CAPN3: variants seen among roughly 807,000 people sequenced by gnomAD.
CAPN3 encodes calpain 3.
In CAPN3, 88 loss-of-function variants were observed where a neutral mutation model predicts 114.0. That is an observed-to-expected ratio of 0.77 (90% CI 0.65 to 0.92). The LOEUF (loss-of-function observed/expected upper bound fraction) is 0.92, where lower values mean the gene tolerates loss of function less well. CAPN3 is among the 40% of genes least tolerant of loss of function. The probability of loss-of-function intolerance (pLI) is 0.00; values close to 1 mark genes in which losing one functional copy is unlikely to be tolerated. For missense variants in CAPN3, 1,028 were observed against 1,069.0 expected, an observed-to-expected ratio of 0.96 and a Z score of 0.53; for synonymous variants, 386 against 382.9, an observed-to-expected ratio of 1.01 and a Z score of -0.09.
intron 13 of CAPN3, 146 bp from the exon 14 acceptor site, chr15:42,403,595 G>A: frequency 1.3e-6 from 1 of 779,854 alleles, no homozygotes; most frequent in Non-Finnish European, 2.3e-6. Flanking sequence ...CATGGGGCTG[G>A]TTCCTGGGGT....
intron 14 of CAPN3, chr15:42,404,392 C>T (rs543952263): frequency 2.3e-4 from 107 of 456,484 alleles, no homozygotes; most frequent in African/African-American, 2.0e-3. Flanking sequence ...TGTGTCATCG[C>T]GATACTTGCA....
At chr15:42,404,015 G>A (rs2053948875) in intron 14 of CAPN3, 1 of 629,112 alleles carries the variant, frequency 1.6e-6, no homozygotes, top group Non-Finnish European at 3.0e-6. Context: ...AGAGGGTCCT[G>A]GAAAGGAGAA....
chr15:42,383,391 C>T (rs1336130985), intron 1 of CAPN3, among the ~76,000 whole-genome samples: 1 of 152,146 alleles, frequency 6.6e-6, no homozygotes, highest in African/African-American at 2.4e-5. Flanking sequence ...GAGTTCGAGA[C>T]CAGCCTGGCC....
chr15:42,383,101 G>A (rs1276877074), intron 1 of CAPN3, among the ~76,000 whole-genome samples: 1 of 152,122 alleles, frequency 6.6e-6, no homozygotes, highest in African/African-American at 2.4e-5. Flanking sequence ...CAGATGGGAC[G>A]CATGCTGTGG....
At chr15:42,368,372 A>G (rs2052843452) in intron 1 of CAPN3, among the ~76,000 whole-genome samples, 1 of 152,194 alleles carries the variant, frequency 6.6e-6, no homozygotes, top group South Asian at 2.1e-4. Context: ...AATGCTGTCT[A>G]GCATTCTAGG....
chr15:42,396,608 G>C (rs775498750), intron 8 of CAPN3, among the ~76,000 whole-genome samples, 192 bp from the exon 9 acceptor site: 2 of 152,110 alleles, frequency 1.3e-5, no homozygotes, highest in Non-Finnish European at 2.9e-5. Flanking sequence ...CCCATTTAAG[G>C]AGTTTAGGCT....
intron 1 of CAPN3, among the ~76,000 whole-genome samples, chr15:42,374,893 C>A (rs1275894290): frequency 6.7e-6 from 1 of 149,438 alleles, no homozygotes; most frequent in South Asian, 2.1e-4. Context: ...CTCAACCCCC[C>A]AGGCCCAAAC....
At chr15:42,406,830 TGG>T (rs2054037452) in intron 15 of CAPN3, among the ~76,000 whole-genome samples, 2 of 152,118 alleles carry the variant, frequency 1.3e-5, no homozygotes, top group Admixed American at 6.5e-5. Flanking sequence ...CCATTTGCTC[TGG>T]GATCCCCACA....
chr15:42,380,327 ATATTTTATCC>A (rs1345236626), intron 1 of CAPN3, among the ~76,000 whole-genome samples: 2 of 83,802 alleles, frequency 2.4e-5, no homozygotes, highest in Non-Finnish European at 5.3e-5. Flanking sequence ...TGAAAGTTTT[ATATTTTATCC>A]TATTTTATCC....
At chr15:42,402,433 G>A (rs1006972295) in intron 12 of CAPN3, 24 of 1,432,270 alleles carry the variant, frequency 1.7e-5, no homozygotes, top group East Asian at 1.0e-4. Context: ...ACACAGACGC[G>A]TTCTGAGGGT....
Position 42,410,756 on chromosome 15 carries a change from G to C in CAPN3, c.2263+90G>C. 4 of 1,359,844 alleles carry C rather than the reference G, an allele frequency of 2.9e-6. No homozygotes were observed. The South Asian group carries it at 4.7e-5, about 16-fold the overall frequency. The allele number at this position is 1,359,844 out of a possible 1,614,324, so 84.2% of individuals were successfully genotyped here. On this transcript the variant is annotated intron_variant, in intron 21 of 23. Coordinates refer to ENST00000397163, the MANE Select transcript of CAPN3 (RefSeq NM_000070.3). ...ACTAGGCTACTAGGGCCCCACTAGA[G>C]AAAGGAGAGGGAAAGGGCTTCTCAC...
At position 42,403,786 on chromosome 15, in the gene CAPN3, TTTAGA is replaced by T; in HGVS notation, c.1782+11_1782+15del. 6.2e-7 allele frequency: 1 copy of T among 1,613,442 alleles called. No individual in the cohort carries two copies. The highest frequency in any genetic ancestry group is 8.5e-7 in the Non-Finnish European group (1 of 1,179,472). On this transcript the variant is annotated intron_variant, in intron 14 of 23. Coordinates refer to ENST00000397163, the MANE Select transcript of CAPN3 (RefSeq NM_000070.3). ...CCGTGGATCGGCCAGTGGTGAGTGG[TTTAGA>T]TCTTCTGTGCGAAAAGTCCAGAGGG...
At position 42,384,558 on chromosome 15, in the gene CAPN3, A is replaced by T. The variant is rs1413690936; in HGVS notation, c.379+6A>T. 6.2e-7 allele frequency: 1 copy of T among 1,607,556 alleles called. No individual in the cohort carries two copies. Among genetic ancestry groups the T allele is most frequent in the East Asian group, 2.2e-5 (1 of 44,850 alleles). On this transcript the variant is annotated splice_donor_region_variant and intron_variant, in intron 2 of 23. Coordinates refer to ENST00000397163, the MANE Select transcript of CAPN3 (RefSeq NM_000070.3). ...CATCTGTCAAGGAGAGCTAGGTAGG[A>T]AAGTGCCTCAGGTCAGATCCTGCCA...
At chr15:42,374,920 A>C (rs1042117720) in intron 1 of CAPN3, among the ~76,000 whole-genome samples, 9 of 147,968 alleles carry the variant, frequency 6.1e-5, no homozygotes, top group African/African-American at 1.5e-4. Flanking sequence ...CCCACTTCAC[A>C]CCTCAGCCTT....
chr15:42,386,429 T>C, intron 3 of CAPN3, 144 bp downstream of exon 3: 1 of 753,016 alleles, frequency 1.3e-6, no homozygotes, highest in East Asian at 2.5e-5. Flanking sequence ...CCTTAAGGCT[T>C]CAAGCCTGGG....
chr15:42,410,083 C>T, intron 19 of CAPN3, 88 bp downstream of exon 19: 1 of 1,222,004 alleles, frequency 8.2e-7, no homozygotes, highest in Middle Eastern at 2.7e-4. Context: ...AGGCAAAGGG[C>T]CCTAATTTGT....
chr15:42,401,598 T>G, intron 10 of CAPN3, 43 bp from the exon 11 acceptor site: 2 of 1,590,716 alleles, frequency 1.3e-6, no homozygotes, highest in Non-Finnish European at 1.7e-6. Flanking sequence ...TCCTGCCCTC[T>G]GAGAGGCAGC....
At chr15:42,389,696 C>T (rs1209972130) in intron 5 of CAPN3, among the ~76,000 whole-genome samples, 2 of 152,166 alleles carry the variant, frequency 1.3e-5, no homozygotes, top group Non-Finnish European at 2.9e-5. Context: ...GAGGATGGGG[C>T]TGAAGCTGAA....
chr15:42,399,624 C>T lies in CAPN3; in HGVS notation c.1326C>T (p.Cys442=). The T allele has an allele frequency of 6.2e-7, 1 of 1,610,144 alleles. No homozygotes were observed. Among genetic ancestry groups the T allele is most frequent in the Non-Finnish European group, 8.5e-7 (1 of 1,178,010 alleles). Residue 442 remains cysteine (C), a synonymous_variant, in exon 10 of 24, where the codon TGC becomes TGT. Coordinates refer to ENST00000397163, the MANE Select transcript of CAPN3 (RefSeq NM_000070.3). ...SVNEGRWVRG[C]SAGGCRNFPD... ...ACGAGGGCCGCTGGGTACGGGGTTG[C>T]TCTGCCGGAGGCTGCCGCAACTTCC...
Sources: allele counts gnomAD v4.1 joint callset (sites outside exome capture counted in the v4.1 genomes callset), GRCh38; gene constraint gnomAD v4.1.1; transcripts MANE v1.5; gene names NCBI Gene and HGNC (gene_info 2026-07-23, HGNC 2026-07-21).